TRPS1: variants seen among roughly 807,000 people sequenced by gnomAD.
The protein encoded by TRPS1 is zinc finger transcription factor Trps1.
A neutral mutation model predicts 101.2 loss-of-function variants in TRPS1; 6 were observed. That is an observed-to-expected ratio of 0.06 (90% confidence interval 0.03 to 0.12). TRPS1 has a LOEUF of 0.12. Ranked by LOEUF, TRPS1 falls within the 10% of genes least tolerant of loss-of-function variation. The probability of loss-of-function intolerance (pLI) is 1.00; values close to 1 mark genes in which losing one functional copy is unlikely to be tolerated. For synonymous variants in TRPS1, 578 were observed against 589.8 expected (o/e 0.98, Z 0.29); for missense variants, 1,363 against 1,567.0 (o/e 0.87, Z 2.20).
chr8:115,540,179 A>G (rs1421117019), intron 5 of TRPS1, among the ~76,000 whole-genome samples: 1 of 152,238 alleles, frequency 6.6e-6, no homozygotes, highest in Non-Finnish European at 1.5e-5. Context: ...AGTACAAAAT[A>G]GAAAAACAGC....
At chr8:115,605,551 A>G (rs1818016495) in intron 3 of TRPS1, among the ~76,000 whole-genome samples, 1 of 152,198 alleles carries the variant, frequency 6.6e-6, no homozygotes, top group African/African-American at 2.4e-5. Flanking sequence ...ACCACCCAAA[A>G]TGGCTTATAA....
intron 5 of TRPS1, among the ~76,000 whole-genome samples, chr8:115,527,279 T>C (rs1816021725): frequency 6.6e-6 from 1 of 152,040 alleles, no homozygotes; most frequent in Admixed American, 6.6e-5. Context: ...AATATGTGCC[T>C]CACAAAAGAA....
intron 5 of TRPS1, among the ~76,000 whole-genome samples, chr8:115,548,151 T>C (rs1433165941): frequency 6.6e-6 from 1 of 151,896 alleles, no homozygotes; most frequent in African/African-American, 2.4e-5. Flanking sequence ...GGAGGATCAC[T>C]GAAACTCAGG....
intron 5 of TRPS1, among the ~76,000 whole-genome samples, chr8:115,471,616 T>C (rs972492830): frequency 6.6e-6 from 1 of 152,126 alleles, no homozygotes; most frequent in Non-Finnish European, 1.5e-5. Context: ...CAATGTCTTA[T>C]CCAGCATTAA....
In TRPS1 at chr8:115,499,669, T is replaced by C. The variant is rs146083967; in HGVS notation, c.2701-81217A>G. On this transcript the variant is annotated intron_variant, in intron 5 of 6. Coordinates refer to ENST00000395715, the MANE Select transcript of TRPS1 (RefSeq NM_014112.5). ...TGAAACTCGCAGATGTCTCTAGTAA[T>C]GGAATTGGTCTGTCTAATGTGTTTC... is the stretch of plus-strand genomic sequence containing the variant. Among the ~76,000 whole-genome samples the C allele has an allele frequency of 1.2e-3, 176 of 152,316 alleles. 2 individuals are homozygous for C. Among genetic ancestry groups the C allele is most frequent in the African/African-American group, 3.8e-3 (158 of 41,576 alleles).
chr8:115,450,664 C>G (rs1422046723), intron 5 of TRPS1, among the ~76,000 whole-genome samples: 2 of 152,108 alleles, frequency 1.3e-5, no homozygotes, highest in African/African-American at 4.8e-5. Context: ...GATTTAGGAA[C>G]TGTAACTCAT....
In TRPS1 at chr8:115,604,397, G is replaced by A. The variant is rs765625635; in HGVS notation, c.1572C>T (p.Ser524=). The A allele has an allele frequency of 2.3e-5, 37 of 1,613,874 alleles. No individual in the cohort carries two copies. The highest frequency in any genetic ancestry group is 2.6e-5 in the Non-Finnish European group (31 of 1,179,988). ...SSSGAKKKDF[S]SKGAEDNMVT... is the part of the protein sequence containing the mutation. ...CCATATTATCCTCGGCTCCCTTGCT[G>A]GAGAAGTCCTTCTTTTTAGCCCCAC... The change falls in exon 4 of 7, where the codon TCC becomes TCT. Residue 524 remains serine (S), a synonymous_variant. Coordinates refer to ENST00000395715, the MANE Select transcript of TRPS1 (RefSeq NM_014112.5). This position sits in a 1 kb window ranked among gnomAD's most constrained non-coding sequence, Gnocchi z 4.1.
At chr8:115,537,282 T>C (rs1024599468) in intron 5 of TRPS1, among the ~76,000 whole-genome samples, 1 of 152,218 alleles carries the variant, frequency 6.6e-6, no homozygotes, top group Non-Finnish European at 1.5e-5. Flanking sequence ...TTCATAGTTA[T>C]GATTCATTCT....
intron 5 of TRPS1, among the ~76,000 whole-genome samples, chr8:115,487,306 C>T (rs943058196): frequency 6.6e-6 from 1 of 152,164 alleles, no homozygotes; most frequent in South Asian, 2.1e-4. Context: ...GACAATGCAC[C>T]TGGTTACCCC....
rs757403386 is a variant in TRPS1, at chr8:115,619,919, T to G, written c.179A>C (p.Asp60Ala). 2.5e-6 allele frequency: 4 copies of G among 1,614,194 alleles called. No homozygotes were observed. In the South Asian group the frequency reaches 4.4e-5, roughly 18 times the overall value. The change falls in exon 3 of 7, where the codon GAT becomes GCT. Residue 60 changes from aspartate (D) to alanine (A), a missense_variant. Coordinates refer to ENST00000395715, the MANE Select transcript of TRPS1 (RefSeq NM_014112.5). ...FSADQMSENT[D>A]QSDAAELNHK... ...ATTTAGTTCTGCAGCATCACTCTGA[T>G]CCGTATTTTCTGACATCTGATCTGC...
intron 1 of TRPS1, among the ~76,000 whole-genome samples, chr8:115,663,405 G>A (rs1003347138): frequency 3.9e-5 from 6 of 152,024 alleles, no homozygotes; most frequent in African/African-American, 1.2e-4. Flanking sequence ...GAGAGAAAGA[G>A]TAGGAGAGAA....
chr8:115,463,857 T>C (rs1814251131), intron 5 of TRPS1, among the ~76,000 whole-genome samples: 1 of 151,876 alleles, frequency 6.6e-6, no homozygotes, highest in South Asian at 2.1e-4. Flanking sequence ...ATAAAGTACA[T>C]GTTTTAGATT....
At chr8:115,551,169 G>T (rs1452912745) in intron 5 of TRPS1, among the ~76,000 whole-genome samples, 1 of 152,078 alleles carries the variant, frequency 6.6e-6, no homozygotes, top group Non-Finnish European at 1.5e-5. Context: ...ACAGAAAAAA[G>T]ATCCAATAAA....
intron 5 of TRPS1, among the ~76,000 whole-genome samples, chr8:115,442,579 G>GTGTGTA (rs1563734197): frequency 1.3e-5 from 2 of 149,536 alleles, no homozygotes; most frequent in African/African-American, 5.0e-5. Flanking sequence ...GTGTGTGTGT[G>GTGTGTA]TATGTGTGTG....
At chr8:115,538,789 CAATT>C (rs372052222) in intron 5 of TRPS1, among the ~76,000 whole-genome samples, 9 of 152,198 alleles carry the variant, frequency 5.9e-5, no homozygotes, top group Non-Finnish European at 1.0e-4. Flanking sequence ...ATTTCACTGA[CAATT>C]AATCTGAGAT....
intron 5 of TRPS1, among the ~76,000 whole-genome samples, chr8:115,420,475 T>C (rs574990921): frequency 6.6e-6 from 1 of 152,302 alleles, no homozygotes; most frequent in South Asian, 2.1e-4. Context: ...GCAATGTAAA[T>C]GTCCATTTGG....
In TRPS1 at chr8:115,414,627, G is replaced by A; in HGVS notation, c.3281C>T (p.Ser1094Leu). Reference protein sequence around the residue: ...YMRPAKHPNYSPPGSPIEKYQ... With the variant: ...YMRPAKHPNYLPPGSPIEKYQ... ...CTTTTCAATAGGGCTGCCTGGTGGT[G>A]AATAATTTGGGTGTTTCGCAGGTCT... is the stretch of plus-strand genomic sequence containing the variant. The change falls in exon 7 of 7, where the codon TCA becomes TTA. Residue 1094 changes from serine to leucine, a missense_variant. Coordinates refer to ENST00000395715, the MANE Select transcript of TRPS1 (RefSeq NM_014112.5). This position sits in a 1 kb window ranked among gnomAD's most constrained non-coding sequence, Gnocchi z 4.8. 6.2e-7 allele frequency: 1 copy of A among 1,614,056 alleles called. No homozygotes were observed. Among genetic ancestry groups the A allele is most frequent in the Non-Finnish European group, 8.5e-7 (1 of 1,179,964 alleles).
intron 4 of TRPS1, among the ~76,000 whole-genome samples, chr8:115,601,037 A>G (rs1817896477): frequency 6.6e-6 from 1 of 152,134 alleles, no homozygotes; most frequent in Admixed American, 6.6e-5. Context: ...GAAAGCACCC[A>G]TGCAACAGAA....
chr8:115,479,951 T>G (rs949583080), intron 5 of TRPS1, among the ~76,000 whole-genome samples: 5 of 152,034 alleles, frequency 3.3e-5, no homozygotes, highest in Admixed American at 2.6e-4. Flanking sequence ...AGTAAAATGG[T>G]TTTTTACTTC....
Sources: allele counts gnomAD v4.1 joint callset (sites outside exome capture counted in the v4.1 genomes callset), GRCh38; gene constraint gnomAD v4.1.1; non-coding constraint Gnocchi (gnomAD v3.1); transcripts MANE v1.5; gene names NCBI Gene and HGNC (gene_info 2026-07-23, HGNC 2026-07-21).